FANCC: variants seen among roughly 807,000 people sequenced by gnomAD.
FANCC encodes FA complementation group C.
Under a neutral mutation model 71.3 loss-of-function variants are expected in FANCC, and 55 were observed. That is an observed-to-expected ratio of 0.77 (90% CI 0.62 to 0.97). The LOEUF (loss-of-function observed/expected upper bound fraction) is 0.97. Among genes scored for constraint, FANCC ranks in the 50% least tolerant of loss-of-function variants. FANCC has a pLI of 0.00. For missense variants in FANCC, 678 were observed against 670.9 expected (o/e 1.01, Z -0.12); for synonymous variants, 275 against 244.9 (o/e 1.12, Z -1.15).
At chr9:95,116,543 A>T (rs1458480867) in intron 11 of FANCC, among the ~76,000 whole-genome samples, 1 of 152,240 alleles carries the variant, frequency 6.6e-6, no homozygotes, top group African/African-American at 2.4e-5. Flanking sequence ...AGGAAATGTG[A>T]CTGGCTCGTT....
intron 14 of FANCC, 36 bp from the exon 15 acceptor site, chr9:95,101,886 A>G: frequency 6.2e-7 from 1 of 1,612,626 alleles, no homozygotes; most frequent in Non-Finnish European, 8.5e-7. Context: ...AAATTAAAAC[A>G]CTTTCCAGAC....
rs144356143 is a variant in FANCC, at chr9:95,116,613, G to A, written c.1072+702C>T. Among the ~76,000 whole-genome samples, 217 of 152,320 alleles carry A rather than the reference G, an allele frequency of 1.4e-3. 1 individual carries two copies. Among genetic ancestry groups the A allele is most frequent in the African/African-American group, 5.1e-3 (211 of 41,564 alleles). ...GGCCCCTTTCTGGCTGGCGCAGTCT[G>A]TGCCCATGTCAGGACTGCCTTCCAT... On this transcript the variant is annotated intron_variant, in intron 11 of 14. Transcript: ENST00000289081.
rs774897714 is a variant in FANCC, at chr9:95,126,596, G to A, written c.844-15C>T. ...GCTGCTTGAGGCTGTAAAAGGAGAA[G>A]ACCATGAGAATGTGAAATATCACAA... On this transcript the variant is annotated splice_polypyrimidine_tract_variant and intron_variant, in intron 8 of 14. Coordinates refer to ENST00000289081, the MANE Select transcript of FANCC (RefSeq NM_000136.3). 6.2e-7 allele frequency: 1 copy of A among 1,613,638 alleles called. No individual in the cohort carries two copies. The highest frequency in any genetic ancestry group is 8.5e-7 in the Non-Finnish European group (1 of 1,179,592).
At chr9:95,103,863 G>A (rs891576924) in intron 14 of FANCC, among the ~76,000 whole-genome samples, 3 of 152,238 alleles carry the variant, frequency 2.0e-5, no homozygotes, top group Non-Finnish European at 2.9e-5. Flanking sequence ...GGAGCCACTC[G>A]CTCAAGCCAT....
chr9:95,290,932 A>G lies in FANCC; in HGVS notation c.-79+26594T>C, dbSNP rs200505015. Among the ~76,000 whole-genome samples the G allele has an allele frequency of 3.3e-5, 5 of 152,368 alleles. No individual in the cohort carries two copies. The East Asian group carries it at 7.7e-4, about 23-fold the overall frequency. ...TGTAAGGATGATTCAACATACGCCAATCTATGAAGATGATATACCACATTA... is the reference window on the plus strand; with the variant it reads ...TGTAAGGATGATTCAACATACGCCAGTCTATGAAGATGATATACCACATTA... On this transcript the variant is annotated intron_variant, in intron 1 of 14. Coordinates refer to ENST00000289081, the MANE Select transcript of FANCC (RefSeq NM_000136.3).
intron 6 of FANCC, among the ~76,000 whole-genome samples, chr9:95,161,352 G>A (rs1361099350): frequency 6.6e-6 from 1 of 152,128 alleles, no homozygotes; most frequent in Non-Finnish European, 1.5e-5. Flanking sequence ...GTCCTCTAAG[G>A]CCCAGAATAC....
intron 4 of FANCC, among the ~76,000 whole-genome samples, chr9:95,205,965 T>C (rs1174945604): frequency 6.6e-6 from 1 of 152,202 alleles, no homozygotes; most frequent in African/African-American, 2.4e-5. Flanking sequence ...GGACTTATAA[T>C]GAAAAGTTGC....
intron 12 of FANCC, chr9:95,114,096 AAAAC>A (rs780908193): frequency 2.7e-5 from 5 of 188,474 alleles, no homozygotes; most frequent in Non-Finnish European, 5.7e-5. Flanking sequence ...CTAAAAATTT[AAAAC>A]AAACCAACCA....
intron 4 of FANCC, among the ~76,000 whole-genome samples, chr9:95,228,158 T>C (rs954154115): frequency 6.6e-6 from 1 of 152,054 alleles, no homozygotes; most frequent in Admixed American, 6.5e-5. Flanking sequence ...CAGGATACAA[T>C]TGTGGAATAA....
chr9:95,289,325 T>C (rs1332632315), intron 1 of FANCC, among the ~76,000 whole-genome samples: 3 of 152,086 alleles, frequency 2.0e-5, no homozygotes, highest in African/African-American at 7.2e-5. Context: ...ATATATAAAT[T>C]AACAGGTATG....
rs895913054 is a variant in FANCC, at chr9:95,101,484, T to C, written c.*223A>G. The C allele has an allele frequency of 2.0e-5, 12 of 604,910 alleles. No individual in the cohort carries two copies. The highest frequency in any genetic ancestry group is 1.8e-4 in the African/African-American group (10 of 54,150). The allele number at this position is 604,910 out of a possible 1,614,324, so 37.5% of individuals were successfully genotyped here. A position where few individuals can be genotyped will look rare whatever the true frequency, so the allele number is the denominator to read the frequency against. ...GGCACCAGGAGTACCGAAGGCTCAC[T>C]TGAGTCATTAGTGAACATGTCTGAC... On this transcript the variant is annotated 3_prime_UTR_variant, in exon 15 of 15. Transcript: ENST00000289081.
At chr9:95,188,562 T>C (rs1564735820) in intron 4 of FANCC, among the ~76,000 whole-genome samples, 1 of 152,212 alleles carries the variant, frequency 6.6e-6, no homozygotes, top group Non-Finnish European at 1.5e-5. Context: ...AGCAAAATAT[T>C]TGCTTTCCTT....
chr9:95,313,617 T>C (rs1460343168), intron 1 of FANCC, among the ~76,000 whole-genome samples: 5 of 152,204 alleles, frequency 3.3e-5, no homozygotes, highest in Non-Finnish European at 7.3e-5. Flanking sequence ...CAACTCATTC[T>C]AAGATGCCAC....
intron 8 of FANCC, among the ~76,000 whole-genome samples, chr9:95,131,041 A>G (rs1219970762): frequency 6.6e-6 from 1 of 152,188 alleles, no homozygotes; most frequent in Non-Finnish European, 1.5e-5. Flanking sequence ...AACAAATTTG[A>G]GCTCGGAAAA....
At chr9:95,271,567 G>A (rs1832719444) in intron 1 of FANCC, among the ~76,000 whole-genome samples, 1 of 152,156 alleles carries the variant, frequency 6.6e-6, no homozygotes, top group South Asian at 2.1e-4. Context: ...TCACACTTTT[G>A]GCCTCCAGAA....
At chr9:95,298,427 G>C (rs1834525126) in intron 1 of FANCC, among the ~76,000 whole-genome samples, 2 of 152,150 alleles carry the variant, frequency 1.3e-5, no homozygotes, top group African/African-American at 4.8e-5. Flanking sequence ...GTGGGTATGT[G>C]AGGAAGAGGT....
In FANCC at chr9:95,172,126, A is replaced by C; in HGVS notation, c.367T>G (p.Ser123Ala). 1 of 1,611,710 alleles carries C rather than the reference A, an allele frequency of 6.2e-7. No homozygotes were observed. Among genetic ancestry groups the C allele is most frequent in the Non-Finnish European group, 8.5e-7 (1 of 1,177,936 alleles). The change falls in exon 5 of 15, where the codon TCA becomes GCA. Residue 123 changes from serine to alanine, a missense_variant. Physicochemically the swap from Ser to Ala is moderately conservative, Grantham distance 99. Transcript: ENST00000289081. ...WIQGVLSHILSALRFDKEVAL... is the reference protein window; with the variant it reads ...WIQGVLSHILAALRFDKEVAL... ...ACTTCTTTATCAAATCTGAGTGCTG[A>C]AAGTATATGAGATAATACACCCTAA...
At position 95,114,730 on chromosome 9, in the gene FANCC, C is replaced by G. The variant is rs781438798; in HGVS notation, c.1073-20G>C. The G allele has an allele frequency of 6.2e-7, 1 of 1,606,572 alleles. No homozygotes were observed. Among genetic ancestry groups the G allele is most frequent in the Non-Finnish European group, 8.5e-7 (1 of 1,173,126 alleles). On this transcript the variant is annotated intron_variant, in intron 11 of 14. Coordinates refer to ENST00000289081, the MANE Select transcript of FANCC (RefSeq NM_000136.3). ...GGATATCTGCGGGTGGAGAGAGATA[C>G]GTCAGAGGGCAACTGAGGAAATGTC...
intron 1 of FANCC, among the ~76,000 whole-genome samples, chr9:95,254,925 G>T (rs1439022996): frequency 6.6e-6 from 1 of 152,120 alleles, no homozygotes; most frequent in Non-Finnish European, 1.5e-5. Context: ...GGCTTGAGAA[G>T]GCGGTTCTCC....
Sources: gnomAD v4.1 joint callset for allele counts (sites outside exome capture counted in the v4.1 genomes callset) on GRCh38, gnomAD v4.1.1 for gene constraint, MANE v1.5 for transcripts, NCBI Gene and HGNC (gene_info 2026-07-23, HGNC 2026-07-21) for gene names.